The following BSN variants were observed in gnomAD, a reference collection of about 807,000 sequenced individuals.
BSN encodes bassoon presynaptic cytomatrix protein.
A neutral mutation model predicts 264.8 loss-of-function variants in BSN; 57 were observed. The observed-to-expected ratio is 0.22, with a 90% CI of 0.17 to 0.27. The LOEUF is 0.27. BSN is among the 10% of genes least tolerant of loss of function. The probability of loss-of-function intolerance (pLI) is 1.00; values close to 1 mark genes in which losing one functional copy is unlikely to be tolerated. For missense variants in BSN, 4,615 were observed against 5,232.5 expected (o/e 0.88, Z 3.64); for synonymous variants, 2,059 against 2,137.3 (o/e 0.96, Z 1.01).
In BSN at chr3:49,657,012, C is replaced by G. The variant is rs1468308342; in HGVS notation, c.7456C>G (p.Arg2486Gly). ...PFPAACEAPG[R>G]GPPLAAAELA... ...TCCTGCAGCCTGTGAGGCACCTGGC[C>G]GAGGGCCTCCCCTAGCGGCTGCTGA... Residue 2486 changes from arginine to glycine, a missense_variant, in exon 5 of 12, where the codon CGA (arginine) becomes GGA (glycine). By Grantham distance (125) the Arg-to-Gly change is moderately radical. This residue lies in a region of BSN where 3,415 missense variants were observed against 3,866.4 expected (regional missense o/e 0.88). Transcript: ENST00000296452. The G allele has an allele frequency of 2.5e-6, 4 of 1,610,476 alleles. No individual in the cohort carries two copies. The highest frequency in any genetic ancestry group is 3.4e-6 in the Non-Finnish European group (4 of 1,177,854).
intron 1 of BSN, among the ~76,000 whole-genome samples, chr3:49,584,236 G>A (rs1467420492): frequency 6.6e-6 from 1 of 150,938 alleles, no homozygotes; most frequent in Non-Finnish European, 1.5e-5. Context: ...TTTTATTTCT[G>A]ATTTTAGTCA....
chr3:49,658,839 C>T (rs755276231), intron 5 of BSN, among the ~76,000 whole-genome samples: 5 of 152,142 alleles, frequency 3.3e-5, no homozygotes, highest in Admixed American at 6.5e-5. Flanking sequence ...GCTTTATTTG[C>T]CAGTGATGGA....
At position 49,655,827 on chromosome 3, in the gene BSN, A is replaced by G; in HGVS notation, c.6271A>G (p.Ser2091Gly). The change falls in exon 5 of 12, where the codon AGT becomes GGT. Residue 2091 changes from serine to glycine, a missense_variant. Ser to Gly is a moderately conservative substitution (Grantham distance 56, BLOSUM62 0). Coordinates refer to ENST00000296452, the MANE Select transcript of BSN (RefSeq NM_003458.4). ...CCAGGAGGCCAGCCTGGCCCAGTAC[A>G]GTGCCACCACAGCCCGTGAAATCAG... ...GFQEASLAQY[S>G]ATTAREISRM... The G allele has an allele frequency of 6.2e-7, 1 of 1,613,378 alleles. No homozygotes were observed. The highest frequency in any genetic ancestry group is 1.1e-5 in the South Asian group (1 of 91,084).
intron 6 of BSN, 40 bp downstream of exon 6, chr3:49,662,602 G>T: frequency 6.5e-7 from 1 of 1,546,064 alleles, no homozygotes; most frequent in South Asian, 1.3e-5. Flanking sequence ...ATACTCAGCA[G>T]CTGGGGGGCC....
intron 2 of BSN, among the ~76,000 whole-genome samples, chr3:49,640,133 G>T (rs748815819): frequency 1.3e-5 from 2 of 152,246 alleles, no homozygotes; most frequent in Non-Finnish European, 2.9e-5. Context: ...GGTGCATTTA[G>T]AACCTCTGGC....
At position 49,651,818 on chromosome 3, in the gene BSN, C is replaced by T. The variant is rs201304097; in HGVS notation, c.2262C>T (p.Gly754=). The change falls in exon 5 of 12, where the codon GGC becomes GGT. Residue 754 remains glycine, a synonymous_variant. Transcript: ENST00000296452. The surrounding 1 kb of genome is among the most constrained non-coding windows in gnomAD (Gnocchi z 5.4). Reference sequence around the variant, plus strand: ...GCAAGCCACTCTCCAGCGGTACTGGCGAGGAGCAGAAGCAGCGGCCCCACT... The same window carrying T: ...GCAAGCCACTCTCCAGCGGTACTGGTGAGGAGCAGAAGCAGCGGCCCCACT... ...ERSKPLSSGT[G]EEQKQRPHSL... 1.9e-5 allele frequency: 30 copies of T among 1,613,706 alleles called. No individual in the cohort carries two copies. Among genetic ancestry groups the T allele is most frequent in the Middle Eastern group, 1.7e-4 (1 of 6,042 alleles).
intron 11 of BSN, among the ~76,000 whole-genome samples, chr3:49,665,639 A>G (rs976983904): frequency 2.0e-5 from 3 of 152,218 alleles, no homozygotes; most frequent in Non-Finnish European, 2.9e-5. Context: ...CCTGTAGGGG[A>G]ACATGCTTCT....
chr3:49,615,058 T>A (rs539966554), intron 1 of BSN, among the ~76,000 whole-genome samples: 1 of 152,310 alleles, frequency 6.6e-6, no homozygotes, highest in Admixed American at 6.5e-5. Flanking sequence ...CATTCTCCCC[T>A]TGCTGACCCA....
Position 49,650,657 on chromosome 3 carries a change from G to A in BSN, c.1564G>A (p.Glu522Lys), listed in dbSNP as rs2052533473. Residue 522 changes from glutamate (E) to lysine (K), a missense_variant, in exon 4 of 12, where the codon GAG becomes AAG. Coordinates refer to ENST00000296452, the MANE Select transcript of BSN (RefSeq NM_003458.4). ...CLNCQTKRLL[E>K]GSLGEPTPLP... ...GAACTGCCAAACCAAGCGGCTACTG[G>A]AGGGCAGCCTAGGAGAGCCGACCCC... 6.2e-7 allele frequency: 1 copy of A among 1,609,196 alleles called. No homozygotes were observed. Among genetic ancestry groups the A allele is most frequent in the Non-Finnish European group, 8.5e-7 (1 of 1,178,716 alleles).
At chr3:49,558,653 C>G (rs1036082522) in intron 1 of BSN, among the ~76,000 whole-genome samples, 2 of 152,176 alleles carry the variant, frequency 1.3e-5, no homozygotes, top group African/African-American at 4.8e-5. Context: ...GGAAATAATG[C>G]TCCTTTGTCA....
chr3:49,602,744 C>T (rs2052082219), intron 1 of BSN, among the ~76,000 whole-genome samples: 1 of 152,254 alleles, frequency 6.6e-6, no homozygotes, highest in Non-Finnish European at 1.5e-5. Flanking sequence ...TGCAGCTGGC[C>T]CTCTCTTTAA....
At position 49,627,865 on chromosome 3, in the gene BSN, C is replaced by T. The variant is rs1260625962; in HGVS notation, c.633+2482C>T. Among the ~76,000 whole-genome samples, 3 of 152,172 alleles carry T rather than the reference C, an allele frequency of 2.0e-5. No individual in the cohort carries two copies. The East Asian group carries it at 5.8e-4, about 29-fold the overall frequency. On this transcript the variant is annotated intron_variant, in intron 2 of 11. Coordinates refer to ENST00000296452, the MANE Select transcript of BSN (RefSeq NM_003458.4). ...GAGTAGAAAAAGGTAGAGGTACTGC[C>T]AGTCCCAGCGCAGATGCACTGCAGA...
At chr3:49,632,184 A>C (rs1559609698) in intron 2 of BSN, among the ~76,000 whole-genome samples, 1 of 152,332 alleles carries the variant, frequency 6.6e-6, no homozygotes, top group South Asian at 2.1e-4. Context: ...CTCAAAATAG[A>C]TCAAATACCT....
In BSN at chr3:49,657,618, A is replaced by G. The variant is rs1337521235; in HGVS notation, c.8062A>G (p.Ile2688Val). 6.2e-7 allele frequency: 1 copy of G among 1,605,486 alleles called. No individual in the cohort carries two copies. The highest frequency in any genetic ancestry group is 8.5e-7 in the Non-Finnish European group (1 of 1,174,362). ...CCAGCTGCCCAGGGTCTCTCCAGCC[A>G]TCCACATCACAGCTGCCACCGATCC... ...PDQLPRVSPAIHITAATDPKV... is the reference protein window; with the variant it reads ...PDQLPRVSPAVHITAATDPKV... Residue 2688 changes from isoleucine to valine, a missense_variant, in exon 5 of 12, where the codon ATC (isoleucine) becomes GTC (valine). Physicochemically the swap from Ile to Val is conservative, Grantham distance 29. Transcript: ENST00000296452.
At position 49,663,651 on chromosome 3, in the gene BSN, T is replaced by A. The variant is rs750450711; in HGVS notation, c.11493T>A (p.Pro3831=). 5.0e-6 allele frequency: 8 copies of A among 1,605,420 alleles called. No individual in the cohort carries two copies. In the African/African-American group the frequency reaches 1.1e-4, roughly 21 times the overall value. Residue 3831 remains proline, a synonymous_variant, in exon 7 of 12, where the codon CCT becomes CCA. Transcript: ENST00000296452. ...CAGGCCCCAGCACAGCCACAGGTCC[T>A]CAACCAGCAGGACCGGTAAGCAGAG... is the stretch of plus-strand genomic sequence containing the variant. ...PQPGPSTATG[P]QPAGPPRAEQ... is the part of the protein sequence containing the mutation.
intron 1 of BSN, among the ~76,000 whole-genome samples, chr3:49,623,102 G>A (rs945862782): frequency 5.0e-4 from 76 of 152,232 alleles, no homozygotes; most frequent in African/African-American, 1.7e-3. Flanking sequence ...GTCCCCAGGC[G>A]GGCTCCTCAT....
chr3:49,587,917 CTTTTCTTTTCT>C (rs1310677140), intron 1 of BSN, among the ~76,000 whole-genome samples: 7 of 147,216 alleles, frequency 4.8e-5, no homozygotes, highest in African/African-American at 1.8e-4. Flanking sequence ...CTTTTCTTTT[CTTTTCTTTTCT>C]TTTTTTTTTT....
rs2052568646 is a variant in BSN at position 49,653,936 on chromosome 3, G to A, written c.4380G>A (p.Glu1460=). ...AGCCCTTGAGTGCGAGTGACGGTGA[G>A]GGTGGCACTCCTCAGCCTTCCCGGG... is the stretch of plus-strand genomic sequence containing the variant. ...REKPLSASDG[E]GGTPQPSRAY... Residue 1460 remains glutamate, a synonymous_variant, in exon 5 of 12, where the codon GAG becomes GAA. Transcript: ENST00000296452. This position sits in a 1 kb window ranked among gnomAD's most constrained non-coding sequence, Gnocchi z 6.3. 2 of 1,614,148 alleles carry A rather than the reference G, an allele frequency of 1.2e-6. No individual in the cohort carries two copies. Among genetic ancestry groups the A allele is most frequent in the East Asian group, 2.2e-5 (1 of 44,886 alleles).
chr3:49,602,480 C>T (rs1234795107), intron 1 of BSN, among the ~76,000 whole-genome samples: 2 of 149,176 alleles, frequency 1.3e-5, no homozygotes, highest in African/African-American at 5.0e-5. Context: ...GAGTCTCACT[C>T]TGTCTCCCAG....
Sources: allele counts gnomAD v4.1 joint callset (sites outside exome capture counted in the v4.1 genomes callset), GRCh38; gene constraint gnomAD v4.1.1; regional missense constraint gnomAD v4.1.1; non-coding constraint Gnocchi (gnomAD v3.1); transcripts MANE v1.5; gene names NCBI Gene and HGNC (gene_info 2026-07-23, HGNC 2026-07-21).